Variants in DLC1 observed in about 807,000 individuals in gnomAD.
DLC1 encodes the protein DLC1 Rho GTPase activating protein, also known as rho GTPase-activating protein 7.
In DLC1, 54 loss-of-function variants were observed where a neutral mutation model predicts 140.3. That is an observed-to-expected ratio of 0.38 (90% CI 0.31 to 0.48). The LOEUF (loss-of-function observed/expected upper bound fraction) is 0.48. Among genes scored for constraint, DLC1 ranks in the 20% least tolerant of loss-of-function variants. DLC1 has a pLI of 0.96. For synonymous variants in DLC1, 986 were observed against 728.1 expected, an observed-to-expected ratio of 1.35 and a Z score of -5.70; for missense variants, 2,536 against 1,907.0, an observed-to-expected ratio of 1.33 and a Z score of -6.14.
chr8:13,432,415 C>T (rs966206480), intron 2 of DLC1, among the ~76,000 whole-genome samples: 5 of 152,158 alleles, frequency 3.3e-5, no homozygotes, highest in African/African-American at 4.8e-5. Context: ...TACAATACAT[C>T]TTATATGCAC....
chr8:13,227,923 G>A (rs188099543), intron 5 of DLC1, among the ~76,000 whole-genome samples: 28 of 152,100 alleles, frequency 1.8e-4, no homozygotes, highest in African/African-American at 6.7e-4. Context: ...TTATATAGAT[G>A]GTATTTAGGC....
chr8:13,469,973 T>C (rs948261282), intron 2 of DLC1, among the ~76,000 whole-genome samples: 6 of 152,310 alleles, frequency 3.9e-5, no homozygotes, highest in African/African-American at 1.4e-4. Context: ...TTATTTTGTA[T>C]AGAAAGTGGC....
chr8:13,090,116 C>T (rs1296476822), intron 15 of DLC1, 136 bp downstream of exon 15: 1 of 759,554 alleles, frequency 1.3e-6, no homozygotes, highest in Non-Finnish European at 2.1e-6. Context: ...TCTTACTCAC[C>T]CCGGTGCCCA....
intron 5 of DLC1, among the ~76,000 whole-genome samples, chr8:13,278,074 A>C (rs900167231): frequency 6.6e-6 from 1 of 152,226 alleles, no homozygotes; most frequent in Non-Finnish European, 1.5e-5. Flanking sequence ...TATTGTTCCC[A>C]AACTGTTAAA....
chr8:13,406,951 G>C (rs757787373), intron 2 of DLC1, among the ~76,000 whole-genome samples: 52 of 152,190 alleles, frequency 3.4e-4, no homozygotes, highest in Non-Finnish European at 2.4e-4. Context: ...TTATGTGTCT[G>C]TGTAGTGCTA....
intron 5 of DLC1, among the ~76,000 whole-genome samples, chr8:13,291,135 C>T (rs1831742256): frequency 6.6e-6 from 1 of 152,172 alleles, no homozygotes; most frequent in Non-Finnish European, 1.5e-5. Context: ...TCTTGAACTC[C>T]TGGCCTCAAG....
chr8:13,283,066 A>G (rs1186065973), intron 5 of DLC1, among the ~76,000 whole-genome samples: 1 of 152,218 alleles, frequency 6.6e-6, no homozygotes, highest in Non-Finnish European at 1.5e-5. Context: ...TGGCTGCATA[A>G]TATACTCAGG....
intron 5 of DLC1, among the ~76,000 whole-genome samples, chr8:13,193,126 C>A (rs1826856214): frequency 6.6e-6 from 1 of 152,158 alleles, no homozygotes; most frequent in Non-Finnish European, 1.5e-5. Flanking sequence ...TATGGAGAGA[C>A]CTCTCAATCT....
At chr8:13,415,198 TAGTGATTTA>T (rs942035941) in intron 2 of DLC1, among the ~76,000 whole-genome samples, 4 of 152,166 alleles carry the variant, frequency 2.6e-5, no homozygotes, top group African/African-American at 9.7e-5. Context: ...TGATTTTATT[TAGTGATTTA>T]AGTGATTTAC....
chr8:13,095,032 C>A, intron 11 of DLC1, 54 bp downstream of exon 11: 1 of 1,613,428 alleles, frequency 6.2e-7, no homozygotes. Flanking sequence ...CTAGAAGAAG[C>A]TGCATGTAAT....
At chr8:13,379,307 T>C (rs1836144698) in intron 4 of DLC1, among the ~76,000 whole-genome samples, 1 of 152,212 alleles carries the variant, frequency 6.6e-6, no homozygotes, top group Non-Finnish European at 1.5e-5. Context: ...ACAGTGCAGA[T>C]GCTCCTTGAC....
chr8:13,527,220 AC>A (rs1424999720), intron 1 of DLC1, among the ~76,000 whole-genome samples: 1 of 152,210 alleles, frequency 6.6e-6, no homozygotes, highest in African/African-American at 2.4e-5. Flanking sequence ...TAATTATCAG[AC>A]CCAAAATGTA....
At chr8:13,171,816 G>A (rs530497726) in intron 5 of DLC1, among the ~76,000 whole-genome samples, 10 of 152,268 alleles carry the variant, frequency 6.6e-5, no homozygotes, top group East Asian at 1.9e-4. Flanking sequence ...AAAACCCTTG[G>A]GGACGTCAGT....
chr8:13,596,495 G>A lies in DLC1; in HGVS notation c.-126+8042C>T, dbSNP rs562822179. Among the ~76,000 whole-genome samples, 140 of 152,038 alleles carry A rather than the reference G, an allele frequency of 9.2e-4. 2 individuals are homozygous for A. The highest frequency in any genetic ancestry group is 3.3e-3 in the African/African-American group (136 of 41,544). ...GATTCCTTAGAGGCCTTTCTTAAAG[G>A]TAACTGATGATTTCATGGAAAAGCT... On this transcript the variant is annotated intron_variant, in intron 1 of 1. Transcript: ENST00000631382.
In DLC1 at chr8:13,499,368, C is replaced by G; in HGVS notation, c.704G>C (p.Arg235Pro). The G allele has an allele frequency of 2.5e-6, 4 of 1,613,926 alleles. No homozygotes were observed. Among genetic ancestry groups the G allele is most frequent in the Non-Finnish European group, 3.4e-6 (4 of 1,179,998 alleles). The change falls in exon 2 of 18, where the codon CGA becomes CCA. Residue 235 changes from arginine to proline, a missense_variant. Physicochemically the swap from Arg to Pro is moderately radical, Grantham distance 103. Transcript: ENST00000276297. ...ATCTTTAGGGGGGTCAGGTTTCCTT[C>G]GTTGCTGAGCAATTACAGCAGAGTT... ...LLNSAVIAQQ[R>P]RKPDPPKDEN...
intron 1 of DLC1, among the ~76,000 whole-genome samples, chr8:13,602,941 T>A (rs1341704864): frequency 6.6e-6 from 1 of 151,868 alleles, no homozygotes; most frequent in Non-Finnish European, 1.5e-5. Flanking sequence ...TAATTGAATT[T>A]TTAAGGGAAA....
intron 1 of DLC1, among the ~76,000 whole-genome samples, chr8:13,542,844 T>G (rs1328702089): frequency 3.3e-5 from 5 of 152,186 alleles, no homozygotes; most frequent in Admixed American, 6.5e-5. Context: ...AAATCAGTTA[T>G]TGGTTCTAAT....
chr8:13,268,056 G>C (rs951002400), intron 5 of DLC1, among the ~76,000 whole-genome samples: 1 of 151,904 alleles, frequency 6.6e-6, no homozygotes, highest in Non-Finnish European at 1.5e-5. Flanking sequence ...AAACTCTGAG[G>C]GTAATCTATG....
intron 5 of DLC1, among the ~76,000 whole-genome samples, chr8:13,217,837 C>CAA (rs1305039877): frequency 9.7e-4 from 137 of 140,910 alleles, no homozygotes; most frequent in African/African-American, 3.4e-3. Flanking sequence ...GACTCCATTT[C>CAA]AAAAAAAAAA....
Sources: gnomAD v4.1 joint callset for allele counts (sites outside exome capture counted in the v4.1 genomes callset) on GRCh38, gnomAD v4.1.1 for gene constraint, MANE v1.5 for transcripts, NCBI Gene and HGNC (gene_info 2026-07-23, HGNC 2026-07-21) for gene names.